Variants in DAPK2 observed in about 807,000 individuals in gnomAD.
DAPK2 encodes death-associated protein kinase 2.
In DAPK2, 35 loss-of-function variants were observed where a neutral mutation model predicts 44.1. The ratio of observed to expected loss-of-function variants is 0.79; its 90% CI spans 0.61 to 1.05. The LOEUF (loss-of-function observed/expected upper bound fraction) is 1.05, where lower values mean the gene tolerates loss of function less well. DAPK2 is among the 50% of genes least tolerant of loss of function. The pLI is 0.00. For missense variants in DAPK2, 453 were observed against 483.2 expected (o/e 0.94, Z 0.59); for synonymous variants, 174 against 182.6 (o/e 0.95, Z 0.38).
At chr15:63,986,666 T>A (rs751884295) in intron 1 of DAPK2, among the ~76,000 whole-genome samples, 5 of 152,116 alleles carry the variant, frequency 3.3e-5, no homozygotes, top group Non-Finnish European at 5.9e-5. Flanking sequence ...ATAGCTCTAT[T>A]CCGAGCAAGT....
intron 4 of DAPK2, among the ~76,000 whole-genome samples, chr15:63,936,820 A>T (rs982816918): frequency 4.6e-5 from 7 of 151,840 alleles, no homozygotes; most frequent in African/African-American, 1.5e-4. Flanking sequence ...CCTCAAAAAA[A>T]TTTTTAAAAA....
At chr15:63,948,209 T>G (rs930391660) in intron 3 of DAPK2, among the ~76,000 whole-genome samples, 8 of 130,040 alleles carry the variant, frequency 6.2e-5, no homozygotes, top group African/African-American at 1.2e-4. Context: ...AGGCAGAGGT[T>G]GCAGTGAGCG....
chr15:63,990,234 C>G lies in DAPK2; in HGVS notation c.93-6480G>C, dbSNP rs1474431086. Among the ~76,000 whole-genome samples, 2 of 116,690 alleles carry G rather than the reference C, an allele frequency of 1.7e-5. No homozygotes were observed. The highest frequency in any genetic ancestry group is 5.7e-5 in the African/African-American group (2 of 34,950). The allele number at this position is 116,690 out of a possible 152,430, so 76.6% of individuals were successfully genotyped here. On this transcript the variant is annotated intron_variant, in intron 1 of 10. Coordinates refer to ENST00000261891, the Ensembl canonical transcript of DAPK2. This position sits in a 1 kb window ranked among gnomAD's most constrained non-coding sequence, Gnocchi z 4.3. ...CCTGAGGTCAAGAGTTTGAGACCAGCCTGGGCCAACAGGACAAAACCCCAT... is the reference window on the plus strand; with the variant it reads ...CCTGAGGTCAAGAGTTTGAGACCAGGCTGGGCCAACAGGACAAAACCCCAT...
chr15:63,922,276 A>G (rs2079096310), intron 8 of DAPK2: 1 of 990,850 alleles, frequency 1.0e-6, no homozygotes, highest in Admixed American at 5.6e-5. Context: ...TATTTTCTCT[A>G]TGCATTGTAA....
chr15:63,943,737 G>A (rs956256513), intron 3 of DAPK2, among the ~76,000 whole-genome samples: 66 of 151,886 alleles, frequency 4.3e-4, no homozygotes, highest in African/African-American at 1.4e-3. Context: ...TTAGCTGGGC[G>A]TGGTGGCACA....
At chr15:63,922,787 T>C in intron 8 of DAPK2, 1 of 1,535,600 alleles carries the variant, frequency 6.5e-7, no homozygotes, top group Admixed American at 2.0e-5. Flanking sequence ...GCTGAGCAGC[T>C]CTGACAGGGA....
chr15:64,010,438 G>A (rs1322848052), intron 1 of DAPK2, among the ~76,000 whole-genome samples: 1 of 152,186 alleles, frequency 6.6e-6, no homozygotes, highest in Admixed American at 6.5e-5. Context: ...CCCAACTACA[G>A]TTTTCAGGAG....
chr15:63,930,481 A>G (rs764739396), intron 4 of DAPK2, 26 bp from the exon 6 acceptor site: 81 of 1,611,524 alleles, frequency 5.0e-5, no homozygotes, highest in Non-Finnish European at 2.4e-5. Flanking sequence ...TTAAATAGTC[A>G]ACATGAGTGT....
At chr15:63,962,266 G>A (rs2077924298) in intron 3 of DAPK2, among the ~76,000 whole-genome samples, 1 of 152,126 alleles carries the variant, frequency 6.6e-6, no homozygotes, top group Admixed American at 6.5e-5. Context: ...AAGGTTTTTA[G>A]CTTATTTGCG....
At chr15:63,930,598 A>G (rs568037115) in intron 4 of DAPK2, 143 bp from the exon 6 acceptor site, 2 of 751,644 alleles carry the variant, frequency 2.7e-6, no homozygotes, top group Admixed American at 2.3e-5. Flanking sequence ...GGTGATCTGC[A>G]TCTAAGATTC....
chr15:63,922,116 T>G, intron 8 of DAPK2: 1 of 199,240 alleles, frequency 5.0e-6, no homozygotes, highest in Non-Finnish European at 9.0e-6. Flanking sequence ...CCTCTCTGAG[T>G]CAATTTTCTC....
intron 8 of DAPK2, chr15:63,920,404 C>A (rs917167944): frequency 6.6e-6 from 1 of 152,126 alleles, no homozygotes; most frequent in African/African-American, 2.4e-5. Flanking sequence ...TTCTCATTTA[C>A]CCTCTCATTG....
intron 3 of DAPK2, among the ~76,000 whole-genome samples, chr15:63,951,298 G>C (rs2077579569): frequency 6.6e-6 from 1 of 152,176 alleles, no homozygotes; most frequent in African/African-American, 2.4e-5. Flanking sequence ...CAAGGCCTCT[G>C]TGTTGGAATC....
chr15:64,040,833 G>A (rs371856449), upstream of DAPK2, among the ~76,000 whole-genome samples: 85 of 137,944 alleles, frequency 6.2e-4, 1 homozygote, highest in African/African-American at 2.3e-3. Flanking sequence ...AGAATCACTT[G>A]AACCCGGGAG....
At chr15:63,925,056 C>G (rs2079201581) in intron 7 of DAPK2, among the ~76,000 whole-genome samples, 195 bp from the exon 9 acceptor site, 1 of 152,212 alleles carries the variant, frequency 6.6e-6, no homozygotes, top group Admixed American at 6.5e-5. Flanking sequence ...GCAGTCCAGA[C>G]AGACCCCTCA....
intron 4 of DAPK2, among the ~76,000 whole-genome samples, chr15:63,937,934 G>C (rs757822270): frequency 1.3e-5 from 2 of 152,198 alleles, no homozygotes; most frequent in African/African-American, 2.4e-5. Context: ...TTGTGACCTT[G>C]GGTGTGTCAT....
intron 2 of DAPK2, among the ~76,000 whole-genome samples, chr15:63,973,058 C>T (rs2078255720): frequency 6.6e-6 from 1 of 152,218 alleles, no homozygotes; most frequent in African/African-American, 2.4e-5. Context: ...ATTCATAGTG[C>T]CAGAGCTTAG....
At position 63,923,011 on chromosome 15, in the gene DAPK2, T is replaced by A; in HGVS notation, c.858+1805A>T. On this transcript the variant is annotated intron_variant, in intron 8 of 10. Coordinates refer to ENST00000261891, the Ensembl canonical transcript of DAPK2. This position sits in a 1 kb window ranked among gnomAD's most constrained non-coding sequence, Gnocchi z 4.2. ...TGTCTTCTCGCAGCAGCTTCTTCAA[T>A]GACTCCACCTTGCGGAACTCATACC... is the stretch of plus-strand genomic sequence containing the variant. 1 of 1,535,878 alleles carries A rather than the reference T, an allele frequency of 6.5e-7. No homozygotes were observed. Among genetic ancestry groups the A allele is most frequent in the Non-Finnish European group, 8.7e-7 (1 of 1,146,722 alleles).
intron 1 of DAPK2, among the ~76,000 whole-genome samples, chr15:64,033,057 G>C (rs533039398): frequency 1.3e-5 from 2 of 152,216 alleles, no homozygotes; most frequent in African/African-American, 4.8e-5. Context: ...CTGCACTCCA[G>C]CCTGGGTGAC....
Sources: allele counts gnomAD v4.1 joint callset (sites outside exome capture counted in the v4.1 genomes callset), GRCh38; gene constraint gnomAD v4.1.1; non-coding constraint Gnocchi (gnomAD v3.1); transcripts MANE v1.5; gene names NCBI Gene and HGNC (gene_info 2026-07-23, HGNC 2026-07-21).